The following SEC31B variants were observed in gnomAD, a reference collection of about 807,000 sequenced individuals.
The protein encoded by SEC31B is SEC31 homolog B, COPII component, also known as protein transport protein Sec31B.
Under a neutral mutation model 135.0 loss-of-function variants are expected in SEC31B, and 113 were observed. That is an observed-to-expected ratio of 0.84 (90% CI 0.72 to 0.98). SEC31B has a LOEUF of 0.98. Ranked by LOEUF, SEC31B falls within the 50% of genes least tolerant of loss-of-function variation. The probability of loss-of-function intolerance (pLI) is 0.00; values close to 1 mark genes in which losing one functional copy is unlikely to be tolerated. For synonymous variants in SEC31B, 508 were observed against 549.4 expected (o/e 0.92, Z 1.05); for missense variants, 1,296 against 1,421.1 (o/e 0.91, Z 1.42).
intron 1 of SEC31B, among the ~76,000 whole-genome samples, chr10:100,518,829 G>A (rs1242149141): frequency 6.6e-6 from 1 of 152,194 alleles, no homozygotes; most frequent in Non-Finnish European, 1.5e-5. Context: ...GTTTAAGCCT[G>A]CCCATTAAGC....
rs1851202365 is a variant in SEC31B at position 100,487,506 on chromosome 10, A to G, written c.*110T>C. 2.0e-5 allele frequency: 21 copies of G among 1,070,822 alleles called. No individual in the cohort carries two copies. Among genetic ancestry groups the G allele is most frequent in the Non-Finnish European group, 2.8e-5 (21 of 744,600 alleles). 66.3% of individuals were successfully genotyped at this position (1,070,822 alleles called of 1,614,324 possible). On this transcript the variant is annotated 3_prime_UTR_variant, in exon 26 of 26. Coordinates refer to ENST00000370345, the MANE Select transcript of SEC31B (RefSeq NM_015490.4). ...CTACAGCATCACATACCTGGCAGCA[A>G]GGAAAAGAGTCGGGAAAAAGAAACA...
In SEC31B at chr10:100,516,131, G is replaced by T; in HGVS notation, c.168C>A (p.Asp56Glu). The T allele has an allele frequency of 6.2e-7, 1 of 1,614,070 alleles. No homozygotes were observed. The highest frequency in any genetic ancestry group is 1.1e-5 in the South Asian group (1 of 91,076). The change falls in exon 3 of 26, where the codon GAC becomes GAA. Residue 56 changes from aspartate to glutamate, a missense_variant. Asp to Glu is a conservative substitution (Grantham distance 45, BLOSUM62 2). Transcript: ENST00000370345. ...FEVDFRDPSL[D>E]LKHRGVLSAL... Reference sequence around the variant, plus strand: ...CAGAAAGGACTCCTCTGTGTTTCAAGTCCAGAGAAGGGTCCCTGAAATCAA... The same window carrying T: ...CAGAAAGGACTCCTCTGTGTTTCAATTCCAGAGAAGGGTCCCTGAAATCAA...
Position 100,496,271 on chromosome 10 carries a change from C to T in SEC31B, c.2297G>A (p.Arg766Lys). 6.2e-7 allele frequency: 1 copy of T among 1,614,126 alleles called. No individual in the cohort carries two copies. Among genetic ancestry groups the T allele is most frequent in the South Asian group, 1.1e-5 (1 of 91,084 alleles). The change falls in exon 18 of 26, where the codon AGG (arginine) becomes AAG (lysine). Residue 766 changes from arginine to lysine, a missense_variant. Arg to Lys is a conservative substitution (Grantham distance 26). Coordinates refer to ENST00000370345, the MANE Select transcript of SEC31B (RefSeq NM_015490.4). ...GGCCCCACTTACCTGAGCACAGTCC[C>T]TGGGTAGAAAGCTCATGGCAGTGGC... is the stretch of plus-strand genomic sequence containing the variant. ...SLATAMSFLPRDCAQPPVQQL... is the reference protein window; with the variant it reads ...SLATAMSFLPKDCAQPPVQQL...
In SEC31B at chr10:100,512,185, A is replaced by C. The variant is rs78566034; in HGVS notation, c.204-2674T>G. On this transcript the variant is annotated intron_variant, in intron 3 of 25. Transcript: ENST00000370345. ...AGAATTGAGATAAAGGTAGAATGACAGAAGACAGATCCTCTACTTTCTCCA... is the reference window on the plus strand; with the variant it reads ...AGAATTGAGATAAAGGTAGAATGACCGAAGACAGATCCTCTACTTTCTCCA... Among the ~76,000 whole-genome samples, 19 of 152,346 alleles carry C rather than the reference A, an allele frequency of 1.2e-4. No homozygotes were observed. In the East Asian group the frequency reaches 1.7e-3, roughly 14 times the overall value.
At chr10:100,507,682 C>T in intron 6 of SEC31B, 115 bp from the exon 7 acceptor site, 3 of 1,423,566 alleles carry the variant, frequency 2.1e-6, no homozygotes, top group Middle Eastern at 1.9e-4. Context: ...ACACCACAGG[C>T]ATCAGAGAGT....
chr10:100,487,674 G>C lies in SEC31B; in HGVS notation c.3482C>G (p.Ser1161Cys). Residue 1161 changes from serine to cysteine, a missense_variant, in exon 26 of 26, where the codon TCC becomes TGC. Transcript: ENST00000370345. Reference sequence around the variant, plus strand: ...AGCCTTCAGGATAGGCATGAAGCTGGACACCTCGCTGAAGCTGCTACAGCC... The same window carrying C: ...AGCCTTCAGGATAGGCATGAAGCTGCACACCTCGCTGAAGCTGCTACAGCC... ...VAGCSSFSEV[S>C]SFMPILKAVL... The C allele has an allele frequency of 6.2e-7, 1 of 1,613,820 alleles. No individual in the cohort carries two copies. Among genetic ancestry groups the C allele is most frequent in the Non-Finnish European group, 8.5e-7 (1 of 1,179,908 alleles).
At chr10:100,501,546 C>A (rs1379931425) in intron 11 of SEC31B, 1 of 152,250 alleles carries the variant, frequency 6.6e-6, no homozygotes, top group Non-Finnish European at 1.5e-5. Context: ...GCTCAAATTT[C>A]AAGTCCCTCT....
At chr10:100,495,888 C>G (rs1220050288) in intron 18 of SEC31B, among the ~76,000 whole-genome samples, 1 of 152,152 alleles carries the variant, frequency 6.6e-6, no homozygotes, top group African/African-American at 2.4e-5. Flanking sequence ...TCCTGAATCC[C>G]TGCCAAACAC....
At chr10:100,492,994 G>A (rs1332524529) in intron 19 of SEC31B, among the ~76,000 whole-genome samples, 1 of 152,186 alleles carries the variant, frequency 6.6e-6, no homozygotes, top group Non-Finnish European at 1.5e-5. Context: ...TTAGGAACTT[G>A]TATTTGAATA....
intron 1 of SEC31B, among the ~76,000 whole-genome samples, chr10:100,519,311 C>T (rs1413232913): frequency 6.6e-6 from 1 of 152,258 alleles, no homozygotes; most frequent in Non-Finnish European, 1.5e-5. Flanking sequence ...GGGGAGATGA[C>T]CAATGAAATG....
At chr10:100,502,217 G>A (rs1836776140) in intron 11 of SEC31B, 37 bp downstream of exon 11, 3 of 1,541,858 alleles carry the variant, frequency 1.9e-6, no homozygotes, top group Non-Finnish European at 2.7e-6. Flanking sequence ...AGGCTTTGGG[G>A]AGACACTTCT....
chr10:100,519,515 G>C (rs1589743848), intron 1 of SEC31B, among the ~76,000 whole-genome samples: 1 of 152,272 alleles, frequency 6.6e-6, no homozygotes, highest in South Asian at 2.1e-4. Flanking sequence ...GGACCAAGGC[G>C]GATGGGAAGG....
chr10:100,516,339 G>T, intron 2 of SEC31B, 120 bp from the exon 3 acceptor site: 1 of 1,209,630 alleles, frequency 8.3e-7, no homozygotes, highest in Middle Eastern at 2.5e-4. Flanking sequence ...TTTCTCAAAG[G>T]TAACTCCACA....
chr10:100,499,204 C>T lies in SEC31B; in HGVS notation c.1540G>A (p.Gly514Arg). The T allele has an allele frequency of 6.2e-7, 1 of 1,613,948 alleles. No homozygotes were observed. Among genetic ancestry groups the T allele is most frequent in the Non-Finnish European group, 8.5e-7 (1 of 1,179,968 alleles). ...VGLGESPQPK[G>R]NDLNSDRQQA... ...TGTCTGTCACTGTTGAGGTCATTTC[C>T]CTTGGGCTGAGGACTCTCACCTAGC... Residue 514 changes from glycine (G) to arginine (R), a missense_variant, in exon 13 of 26, where the codon GGA becomes AGA. Transcript: ENST00000370345.
intron 7 of SEC31B, among the ~76,000 whole-genome samples, chr10:100,506,922 G>A (rs992311114): frequency 3.3e-5 from 5 of 152,070 alleles, no homozygotes; most frequent in Non-Finnish European, 7.4e-5. Flanking sequence ...CCTTGATCAC[G>A]CTACTGCACT....
chr10:100,502,538 C>A, intron 10 of SEC31B, 54 bp from the exon 11 acceptor site: 1 of 1,204,958 alleles, frequency 8.3e-7, no homozygotes, highest in Non-Finnish European at 1.2e-6. Flanking sequence ...CAAAAAGTAA[C>A]ACTAAGTCAG....
In SEC31B at chr10:100,509,381, G is replaced by A. The variant is rs761948301; in HGVS notation, c.334C>T (p.Pro112Ser). Reference protein sequence around the residue: ...VTHILSSGKEPVIAQKQKHTG... With the variant: ...VTHILSSGKESVIAQKQKHTG... The stretch of plus-strand genomic sequence containing the variant: ...TGCTTCTGTTTCTGAGCAATCACAG[G>A]CTCCTTCCCCGAAGACAGGATGTGG... Residue 112 changes from proline to serine, a missense_variant, in exon 4 of 26, where the codon CCT (proline) becomes TCT (serine). Transcript: ENST00000370345. The A allele has an allele frequency of 1.2e-6, 2 of 1,614,114 alleles. No homozygotes were observed. Among genetic ancestry groups the A allele is most frequent in the Non-Finnish European group, 8.5e-7 (1 of 1,180,024 alleles).
intron 22 of SEC31B, 95 bp downstream of exon 22, chr10:100,489,608 T>C (rs1311838195): frequency 1.0e-5 from 16 of 1,570,178 alleles, no homozygotes; most frequent in Non-Finnish European, 1.4e-5. Context: ...GCGGGGACAG[T>C]CTGAGAAGGG....
chr10:100,509,264 C>A, intron 4 of SEC31B, 52 bp downstream of exon 4: 1 of 1,570,746 alleles, frequency 6.4e-7, no homozygotes, highest in Non-Finnish European at 8.7e-7. Flanking sequence ...TGCTTCCACT[C>A]AGATCTGTTG....
Sources: allele counts gnomAD v4.1 joint callset (sites outside exome capture counted in the v4.1 genomes callset), GRCh38; gene constraint gnomAD v4.1.1; transcripts MANE v1.5; gene names NCBI Gene and HGNC (gene_info 2026-07-23, HGNC 2026-07-21).